The following CSMD1 variants were observed in gnomAD, a reference collection of about 807,000 sequenced individuals.
The protein encoded by CSMD1 is CUB and sushi domain-containing protein 1.
Under a neutral mutation model 417.5 loss-of-function variants are expected in CSMD1, and 213 were observed. The ratio of observed to expected loss-of-function variants is 0.51; its 90% CI spans 0.46 to 0.57. The LOEUF (loss-of-function observed/expected upper bound fraction) is 0.57, where lower values mean the gene tolerates loss of function less well. Ranked by LOEUF, CSMD1 falls within the 20% of genes least tolerant of loss-of-function variation. CSMD1 has a pLI of 0.00. For missense variants in CSMD1, 6,923 were observed against 4,529.7 expected, an observed-to-expected ratio of 1.53 and a Z score of -15.17; for synonymous variants, 2,862 against 1,736.8, an observed-to-expected ratio of 1.65 and a Z score of -16.11.
chr8:3,808,594 A>T (rs1052286561), intron 5 of CSMD1, among the ~76,000 whole-genome samples: 26 of 152,280 alleles, frequency 1.7e-4, no homozygotes, highest in South Asian at 4.1e-4. Flanking sequence ...AAATAATTGC[A>T]CACTGCTGTC....
At chr8:4,527,197 C>G (rs1460294282) in intron 2 of CSMD1, among the ~76,000 whole-genome samples, 2 of 152,150 alleles carry the variant, frequency 1.3e-5, no homozygotes, top group African/African-American at 4.8e-5. Flanking sequence ...CTTCCCAAAT[C>G]AGATTTAGTT....
chr8:4,716,471 TAGA>T (rs939279427), intron 1 of CSMD1, among the ~76,000 whole-genome samples: 2 of 152,210 alleles, frequency 1.3e-5, no homozygotes, highest in Non-Finnish European at 2.9e-5. Flanking sequence ...CAGTTATTAA[TAGA>T]AGGTTTTTAA....
At chr8:4,852,718 C>T (rs1332806901) in intron 1 of CSMD1, among the ~76,000 whole-genome samples, 1 of 152,082 alleles carries the variant, frequency 6.6e-6, no homozygotes. Flanking sequence ...TTTGGAGATC[C>T]TTAGAAACTG....
At position 4,800,582 on chromosome 8, in the gene CSMD1, A is replaced by G. The variant is rs142247142; in HGVS notation, c.86-163024T>C. Among the ~76,000 whole-genome samples, 1,180 of 152,370 alleles carry G rather than the reference A, an allele frequency of 7.7e-3. 17 individuals are homozygous for G. Among genetic ancestry groups the G allele is most frequent in the African/African-American group, 0.027 (1,113 of 41,590 alleles). On this transcript the variant is annotated intron_variant, in intron 1 of 69. Coordinates refer to ENST00000635120, the MANE Select transcript of CSMD1 (RefSeq NM_033225.6). ...ATAAAGACCTCAGACCGTCAGAGGC[A>G]GAGCAGGGAAGGACGCCTAGCAAAG... is the stretch of plus-strand genomic sequence containing the variant.
In CSMD1 at chr8:3,094,401, G is replaced by T. The variant is rs932001243; in HGVS notation, c.7138+2448C>A. 3.9e-5 allele frequency among the ~76,000 whole-genome samples: 6 copies of T among 152,098 alleles called. No individual in the cohort carries two copies. The South Asian group carries it at 1.0e-3, about 26-fold the overall frequency. On this transcript the variant is annotated intron_variant, in intron 47 of 69. Transcript: ENST00000635120. ...ATTACAGGCGTGAGCCACTAAGCCT[G>T]GCCAGTTTTAGGTATTCTTAATCCA...
At chr8:3,180,796 A>AT (rs902663941) in intron 37 of CSMD1, among the ~76,000 whole-genome samples, 17 of 150,826 alleles carry the variant, frequency 1.1e-4, no homozygotes, top group South Asian at 6.3e-4. Flanking sequence ...TGCCCAGCTA[A>AT]TTTTTTTTTG....
rs575953958 is a variant in CSMD1, at chr8:3,928,603, G to C, written c.818+69300C>G. 1.6e-4 allele frequency among the ~76,000 whole-genome samples: 24 copies of C among 150,856 alleles called. 2 individuals are homozygous for C. The highest frequency in any genetic ancestry group is 7.9e-4 in the Admixed American group (12 of 15,182). On this transcript the variant is annotated intron_variant, in intron 5 of 69. Transcript: ENST00000635120. ...AGTTCCATCCACCAATATAATAGAT[G>C]ATGTCATAAGAAGGAGAAGGAAGTA...
intron 3 of CSMD1, among the ~76,000 whole-genome samples, chr8:4,039,267 T>C (rs1467826105): frequency 6.6e-6 from 1 of 152,198 alleles, no homozygotes; most frequent in Non-Finnish European, 1.5e-5. Flanking sequence ...TAAGAAAATA[T>C]AACTCCAAAT....
chr8:4,147,909 G>A (rs78764963), intron 3 of CSMD1, among the ~76,000 whole-genome samples: 3,952 of 152,086 alleles, frequency 0.026, 167 homozygotes, highest in African/African-American at 0.09. Context: ...TCAAAGCCTC[G>A]GAGGCTCCTG....
chr8:3,693,439 A>G (rs1390480421), intron 7 of CSMD1, among the ~76,000 whole-genome samples: 1 of 152,138 alleles, frequency 6.6e-6, no homozygotes, highest in Non-Finnish European at 1.5e-5. Context: ...GGGCTGACTT[A>G]GCTGGGTATT....
intron 3 of CSMD1, among the ~76,000 whole-genome samples, chr8:4,303,749 G>T (rs746992016): frequency 6.6e-6 from 1 of 151,874 alleles, no homozygotes; most frequent in Non-Finnish European, 1.5e-5. Context: ...TCAGCCTCCT[G>T]GTTTCAAGCG....
At chr8:3,454,137 C>T (rs917477210) in intron 12 of CSMD1, among the ~76,000 whole-genome samples, 2 of 152,102 alleles carry the variant, frequency 1.3e-5, no homozygotes, top group Non-Finnish European at 2.9e-5. Flanking sequence ...ATTGCAACCC[C>T]TGCCTTTTTT....
intron 3 of CSMD1, among the ~76,000 whole-genome samples, chr8:4,226,092 A>G (rs1241868212): frequency 6.6e-6 from 1 of 150,892 alleles, no homozygotes; most frequent in Non-Finnish European, 1.5e-5. Context: ...ACACACACAC[A>G]CACACACACA....
In CSMD1 at chr8:3,417,114, C is replaced by T. The variant is rs192824598; in HGVS notation, c.1562-7509G>A. On this transcript the variant is annotated intron_variant, in intron 12 of 69. Transcript: ENST00000635120. ...CAAATTTATTCTGGATGGGGTAATACAATTTCTGTTTGACATATGAAATAT... is the reference window on the plus strand; with the variant it reads ...CAAATTTATTCTGGATGGGGTAATATAATTTCTGTTTGACATATGAAATAT... 3.3e-4 allele frequency among the ~76,000 whole-genome samples: 50 copies of T among 152,300 alleles called. No individual in the cohort carries two copies. The East Asian group carries it at 8.9e-3, about 27-fold the overall frequency.
chr8:4,009,876 C>A (rs1366872990), intron 4 of CSMD1, among the ~76,000 whole-genome samples: 1 of 152,058 alleles, frequency 6.6e-6, no homozygotes, highest in African/African-American at 2.4e-5. Context: ...TACTCTCGTA[C>A]ATCCTTTGTC....
intron 3 of CSMD1, among the ~76,000 whole-genome samples, chr8:4,415,066 G>C (rs1274693658): frequency 6.6e-6 from 1 of 152,130 alleles, no homozygotes; most frequent in African/African-American, 2.4e-5. Flanking sequence ...AAGTAATTCA[G>C]CTTTTTTTGC....
chr8:4,504,442 A>C (rs1408719944), intron 2 of CSMD1, among the ~76,000 whole-genome samples: 1 of 152,216 alleles, frequency 6.6e-6, no homozygotes, highest in Non-Finnish European at 1.5e-5. Flanking sequence ...TTGTACACTT[A>C]CAAGTTTGTT....
intron 5 of CSMD1, among the ~76,000 whole-genome samples, chr8:3,959,527 G>A (rs914671644): frequency 1.3e-5 from 2 of 152,068 alleles, no homozygotes; most frequent in Non-Finnish European, 2.9e-5. Flanking sequence ...ACAAACCAAC[G>A]AACGAAAGAA....
chr8:3,380,784 T>C (rs1185249980), intron 18 of CSMD1, among the ~76,000 whole-genome samples: 1 of 151,930 alleles, frequency 6.6e-6, no homozygotes, highest in East Asian at 1.9e-4. Context: ...AAGAAATACC[T>C]AATGTAGATG....
Sources: allele counts gnomAD v4.1 joint callset (sites outside exome capture counted in the v4.1 genomes callset), GRCh38; gene constraint gnomAD v4.1.1; transcripts MANE v1.5; gene names NCBI Gene and HGNC (gene_info 2026-07-23, HGNC 2026-07-21).